The following SLC4A10 variants were observed in gnomAD, a reference collection of about 807,000 sequenced individuals.
SLC4A10 encodes the protein sodium-driven chloride bicarbonate exchanger.
A neutral mutation model predicts 137.7 loss-of-function variants in SLC4A10; 42 were observed. The observed-to-expected ratio is 0.30, with a 90% confidence interval of 0.24 to 0.39. The LOEUF (loss-of-function observed/expected upper bound fraction) is 0.39, where lower values mean the gene tolerates loss of function less well. Ranked by LOEUF, SLC4A10 falls within the 10% of genes least tolerant of loss-of-function variation. SLC4A10 has a pLI of 1.00. For synonymous variants in SLC4A10, 474 were observed against 464.1 expected (o/e 1.02, Z -0.27); for missense variants, 925 against 1,355.0 (o/e 0.68, Z 4.98).
rs80226455 is a variant in SLC4A10, at chr2:161,942,737, G to A, written c.1998-55G>A. The A allele has an allele frequency of 1.2e-3, 1,677 of 1,350,450 alleles. 30 individuals carry two copies. In the East Asian group the frequency reaches 0.037, roughly 30 times the overall value. The allele number at this position is 1,350,450 out of a possible 1,614,324, so 83.7% of individuals were successfully genotyped here. A position where few individuals can be genotyped will look rare whatever the true frequency, so the allele number is the denominator to read the frequency against. On this transcript the variant is annotated intron_variant, in intron 15 of 26. Coordinates refer to ENST00000446997, the MANE Select transcript of SLC4A10 (RefSeq NM_001178015.2). The stretch of plus-strand genomic sequence containing the variant: ...ATGGAGCCGTTATACATTAGTCTTC[G>A]GTACAGTCACAAAAAGCTACTTATT...
intron 1 of SLC4A10, among the ~76,000 whole-genome samples, chr2:161,765,096 G>T (rs999319680): frequency 1.3e-5 from 2 of 152,072 alleles, no homozygotes; most frequent in Non-Finnish European, 2.9e-5. Context: ...AGTTAGTGAT[G>T]AGTATTTTCA....
intron 3 of SLC4A10, among the ~76,000 whole-genome samples, chr2:161,805,401 AGGTC>A (rs1471460461): frequency 6.6e-6 from 1 of 152,150 alleles, no homozygotes; most frequent in Non-Finnish European, 1.5e-5. Context: ...CAGTCCTCCA[AGGTC>A]TTAACTTATT....
intron 1 of SLC4A10, among the ~76,000 whole-genome samples, chr2:161,745,234 G>A (rs1055686664): frequency 2.0e-5 from 3 of 152,004 alleles, no homozygotes; most frequent in Non-Finnish European, 4.4e-5. Flanking sequence ...CAGTAGGTGT[G>A]CTTCATTATT....
chr2:161,951,400 G>C (rs1014633184), intron 19 of SLC4A10, among the ~76,000 whole-genome samples: 3 of 152,060 alleles, frequency 2.0e-5, no homozygotes, highest in African/African-American at 7.2e-5. Flanking sequence ...AATAACTATA[G>C]ATGTGTCTTA....
At chr2:161,714,414 C>A (rs2044626437) in intron 1 of SLC4A10, among the ~76,000 whole-genome samples, 1 of 151,740 alleles carries the variant, frequency 6.6e-6, no homozygotes, top group Non-Finnish European at 1.5e-5. Flanking sequence ...AGGAAAAGGA[C>A]CCTTTCTTCA....
At chr2:161,818,268 T>A (rs2057296492) in intron 3 of SLC4A10, among the ~76,000 whole-genome samples, 1 of 152,210 alleles carries the variant, frequency 6.6e-6, no homozygotes, top group Non-Finnish European at 1.5e-5. Flanking sequence ...CATTCATGAT[T>A]TGGCTCTCTG....
At chr2:161,710,318 C>T (rs2044139187) in intron 1 of SLC4A10, among the ~76,000 whole-genome samples, 1 of 151,674 alleles carries the variant, frequency 6.6e-6, no homozygotes, top group African/African-American at 2.4e-5. Context: ...TGTTTCTTGG[C>T]ATTGCTTTGG....
At chr2:161,977,955 C>T (rs550971222) in intron 26 of SLC4A10, among the ~76,000 whole-genome samples, 195 bp downstream of exon 26, 2 of 152,246 alleles carry the variant, frequency 1.3e-5, no homozygotes, top group South Asian at 4.1e-4. Flanking sequence ...TTAAGTTAGT[C>T]TGAAACTTGA....
chr2:161,839,089 A>G (rs1227920), intron 3 of SLC4A10, among the ~76,000 whole-genome samples: 1 of 152,072 alleles, frequency 6.6e-6, no homozygotes, highest in Admixed American at 6.6e-5. Flanking sequence ...ATGCATAAGC[A>G]AAGAGTGGTA....
At chr2:161,888,458 T>A (rs976890128) in intron 10 of SLC4A10, among the ~76,000 whole-genome samples, 2 of 152,218 alleles carry the variant, frequency 1.3e-5, no homozygotes, top group African/African-American at 4.8e-5. Flanking sequence ...TTGTGTCCTC[T>A]CTTATTTCCT....
chr2:161,862,894 G>A lies in SLC4A10; in HGVS notation c.598G>A (p.Val200Met). Residue 200 changes from valine to methionine, a missense_variant, in exon 6 of 27, where the codon GTG (valine) becomes ATG (methionine). This residue lies in a region of SLC4A10 where 277 missense variants were observed against 306.1 expected (regional missense o/e 0.90). Coordinates refer to ENST00000446997, the MANE Select transcript of SLC4A10 (RefSeq NM_001178015.2). ...TTCAGATATGGTTCTTGACCAACAA[G>A]TGAGCTCAGGTCAGCTGAATGAAGA... Reference protein sequence around the residue: ...EIADMVLDQQVSSGQLNEDVR... With the variant: ...EIADMVLDQQMSSGQLNEDVR... The A allele has an allele frequency of 6.2e-7, 1 of 1,605,660 alleles. No homozygotes were observed. The highest frequency in any genetic ancestry group is 8.5e-7 in the Non-Finnish European group (1 of 1,175,500).
At chr2:161,628,193 T>C (rs948843140) in intron 1 of SLC4A10, among the ~76,000 whole-genome samples, 2 of 152,076 alleles carry the variant, frequency 1.3e-5, no homozygotes, top group Non-Finnish European at 2.9e-5. Context: ...TTAAAAATTA[T>C]CAGGCCATGG....
chr2:161,926,991 A>G (rs1329944871), intron 15 of SLC4A10, among the ~76,000 whole-genome samples: 1 of 151,632 alleles, frequency 6.6e-6, no homozygotes, highest in Non-Finnish European at 1.5e-5. Flanking sequence ...TGCCCTTAAC[A>G]TTTTTTCCTT....
chr2:161,776,706 A>G (rs907012632), intron 2 of SLC4A10, among the ~76,000 whole-genome samples: 7 of 151,862 alleles, frequency 4.6e-5, no homozygotes, highest in African/African-American at 1.7e-4. Context: ...TTGAAGATAT[A>G]CCCAGAAGTG....
chr2:161,719,890 T>G (rs1316415895), intron 1 of SLC4A10, among the ~76,000 whole-genome samples: 8 of 152,318 alleles, frequency 5.3e-5, no homozygotes, highest in African/African-American at 1.4e-4. Context: ...CAGAAGCTCT[T>G]TAGTTTAATT....
chr2:161,939,494 T>G, intron 15 of SLC4A10, among the ~76,000 whole-genome samples: 1 of 152,186 alleles, frequency 6.6e-6, no homozygotes, highest in South Asian at 2.1e-4. Context: ...GCTATAAGTA[T>G]ATAGCCACAA....
At chr2:161,657,977 A>G (rs1222727748) in intron 1 of SLC4A10, among the ~76,000 whole-genome samples, 1 of 152,200 alleles carries the variant, frequency 6.6e-6, no homozygotes, top group Non-Finnish European at 1.5e-5. Flanking sequence ...ATGACAGTAA[A>G]TGACAGAGTA....
chr2:161,636,132 T>C (rs1026569246), intron 1 of SLC4A10, among the ~76,000 whole-genome samples: 1 of 152,174 alleles, frequency 6.6e-6, no homozygotes, highest in Admixed American at 6.5e-5. Context: ...AACAAGTTAG[T>C]ATGAGTTTAT....
At chr2:161,738,720 C>G (rs1574671588) in intron 1 of SLC4A10, among the ~76,000 whole-genome samples, 1 of 152,012 alleles carries the variant, frequency 6.6e-6, no homozygotes, top group Non-Finnish European at 1.5e-5. Context: ...ATTCCTTTAC[C>G]CTCAGCTTCT....
Sources: gnomAD v4.1 joint callset for allele counts (sites outside exome capture counted in the v4.1 genomes callset) on GRCh38, gnomAD v4.1.1 for gene constraint, gnomAD v4.1.1 regional missense constraint, MANE v1.5 for transcripts, NCBI Gene and HGNC (gene_info 2026-07-23, HGNC 2026-07-21) for gene names.